The following ZBTB4 variants were observed in gnomAD, a reference collection of about 807,000 sequenced individuals.
ZBTB4 encodes zinc finger and BTB domain containing 4.
In ZBTB4, 14 loss-of-function variants were observed where a neutral mutation model predicts 59.8. The observed-to-expected ratio is 0.23, with a 90% CI of 0.15 to 0.37. The LOEUF (loss-of-function observed/expected upper bound fraction) is 0.37. ZBTB4 is among the 10% of genes least tolerant of loss of function. The pLI is 1.00. For synonymous variants in ZBTB4, 587 were observed against 575.2 expected (o/e 1.02, Z -0.29); for missense variants, 1,198 against 1,380.8 (o/e 0.87, Z 2.10).
chr17:7,463,926 AGG>A, intron 3 of ZBTB4, 36 bp from the exon 4 acceptor site: 1 of 1,583,042 alleles, frequency 6.3e-7, no homozygotes, highest in Non-Finnish European at 8.6e-7. Context: ...GCAGGAACAC[AGG>A]CACTTGAGTC....
In ZBTB4 at chr17:7,463,134, G is replaced by T; in HGVS notation, c.1848C>A (p.Arg616=). ...VRIGEEAIVK[R]RISETDLRPG... is the part of the protein sequence containing the mutation. Reference sequence around the variant, plus strand: ...GACGCAGGTCAGTCTCTGAGATGCGGCGCTTGACGATGGCCTCCTCCCCTA... The same window carrying T: ...GACGCAGGTCAGTCTCTGAGATGCGTCGCTTGACGATGGCCTCCTCCCCTA... The change falls in exon 4 of 4, where the codon CGC becomes CGA. Residue 616 remains arginine, a synonymous_variant. Coordinates refer to ENST00000380599, the MANE Select transcript of ZBTB4 (RefSeq NM_001128833.2). 6.2e-7 allele frequency: 1 copy of T among 1,608,576 alleles called. No individual in the cohort carries two copies.
chr17:7,463,412 G>T lies in ZBTB4; in HGVS notation c.1570C>A (p.Pro524Thr). ...PRPPKKREYP[P>T]PPPEPAATPT... Reference sequence around the variant, plus strand: ...GTGGCTGCAGGCTCAGGGGGAGGAGGTGGGTATTCTCGTTTCTTGGGTGGC... The same window carrying T: ...GTGGCTGCAGGCTCAGGGGGAGGAGTTGGGTATTCTCGTTTCTTGGGTGGC... Residue 524 changes from proline to threonine, a missense_variant, in exon 4 of 4, where the codon CCT becomes ACT. This residue lies in a region of ZBTB4 where 550 missense variants were observed against 541.8 expected (regional missense o/e 1.02). Coordinates refer to ENST00000380599, the MANE Select transcript of ZBTB4 (RefSeq NM_001128833.2). 6.3e-7 allele frequency: 1 copy of T among 1,578,920 alleles called. No homozygotes were observed.
chr17:7,471,963 ACT>A (rs1451671464), intron 1 of ZBTB4, among the ~76,000 whole-genome samples: 1 of 152,122 alleles, frequency 6.6e-6, no homozygotes, highest in African/African-American at 2.4e-5. Flanking sequence ...CAGATGTGCC[ACT>A]GAGGTGGGGA....
At chr17:7,474,814 C>T (rs1216208383) in intron 1 of ZBTB4, among the ~76,000 whole-genome samples, 3 of 151,492 alleles carry the variant, frequency 2.0e-5, no homozygotes, top group African/African-American at 7.3e-5. Flanking sequence ...GAGTTCCAGA[C>T]CAGCCTGGCC....
Position 7,463,044 on chromosome 17 carries a change from C to T in ZBTB4, c.1938G>A (p.Glu646=), listed in dbSNP as rs776304911. Residue 646 remains glutamate, a synonymous_variant, in exon 4 of 4, where the codon GAG becomes GAA. Coordinates refer to ENST00000380599, the MANE Select transcript of ZBTB4 (RefSeq NM_001128833.2). Reference sequence around the variant, plus strand: ...ATTCCTCCTCATCCTCCTCCTCCTCCTCTTCGTCCTCCTCCTCTTCGTCCT... The same window carrying T: ...ATTCCTCCTCATCCTCCTCCTCCTCTTCTTCGTCCTCCTCCTCTTCGTCCT... The part of the protein sequence containing the change: ...SEEDEEEEDE[E]EEEEDEEESK... The T allele has an allele frequency of 6.2e-6, 10 of 1,608,982 alleles. No homozygotes were observed. The highest frequency in any genetic ancestry group is 8.5e-6 in the Non-Finnish European group (10 of 1,178,042).
intron 1 of ZBTB4, among the ~76,000 whole-genome samples, chr17:7,474,359 G>A (rs1182237207): frequency 4.7e-5 from 7 of 150,496 alleles, no homozygotes; most frequent in Middle Eastern, 3.5e-3. Flanking sequence ...CTGGGACTAC[G>A]GGCATATGCC....
At chr17:7,474,788 G>A (rs1253655495) in intron 1 of ZBTB4, among the ~76,000 whole-genome samples, 1 of 151,632 alleles carries the variant, frequency 6.6e-6, no homozygotes, top group Non-Finnish European at 1.5e-5. Flanking sequence ...GAGGCGGGCA[G>A]ATCACTTGAG....
chr17:7,467,424 G>C (rs1216568347), intron 1 of ZBTB4, 97 bp from the exon 2 acceptor site: 1 of 237,492 alleles, frequency 4.2e-6, no homozygotes, highest in African/African-American at 2.3e-5. Context: ...CAGGAAGTGG[G>C]GAGGGGTGCA....
chr17:7,462,560 C>T lies in ZBTB4; in HGVS notation c.2422G>A (p.Gly808Ser), dbSNP rs1597761016. The change falls in exon 4 of 4, where the codon GGC becomes AGC. Residue 808 changes from glycine to serine, a missense_variant. Coordinates refer to ENST00000380599, the MANE Select transcript of ZBTB4 (RefSeq NM_001128833.2). This position sits in a 1 kb window ranked among gnomAD's most constrained non-coding sequence, Gnocchi z 7.5. ...PVIAYSKGSA[G>S]TRPGDVKEEA... ...TCCTTGACATCCCCGGGCCTGGTGCCAGCGCTGCCCTTGGAATAGGCAATG... is the reference window on the plus strand; with the variant it reads ...TCCTTGACATCCCCGGGCCTGGTGCTAGCGCTGCCCTTGGAATAGGCAATG... 1 of 1,613,726 alleles carries T rather than the reference C, an allele frequency of 6.2e-7. No homozygotes were observed. The highest frequency in any genetic ancestry group is 8.5e-7 in the Non-Finnish European group (1 of 1,179,934).
rs1567686492 is a variant in ZBTB4 at position 7,465,924 on chromosome 17, C to CG, written c.877dup (p.Arg293ProfsTer51). The CG allele has an allele frequency of 6.2e-7, 1 of 1,610,008 alleles. No homozygotes were observed. The highest frequency in any genetic ancestry group is 8.5e-7 in the Non-Finnish European group (1 of 1,177,292). On this transcript the variant is annotated frameshift_variant, in exon 3 of 4. Coordinates refer to ENST00000380599, the MANE Select transcript of ZBTB4 (RefSeq NM_001128833.2). LOFTEE classifies it high-confidence loss of function. ...CTTCACCACGTGCTCGGGGCCCCCT[C>CG]GGAAGCCCACTGGTGGAGGCAGGGC...
rs539108552 is a variant in ZBTB4 at position 7,460,870 on chromosome 17, G to T, written c.*1070C>A. 3.5e-4 allele frequency: 54 copies of T among 152,804 alleles called. No homozygotes were observed. The highest frequency in any genetic ancestry group is 1.3e-3 in the African/African-American group (54 of 41,566). 9.5% of individuals were successfully genotyped at this position (152,804 alleles called of 1,614,324 possible). On this transcript the variant is annotated 3_prime_UTR_variant, in exon 4 of 4. Transcript: ENST00000380599. ...AGAATGGTTCCCCCAAAACCATCTG[G>T]AGTGATTGGTGAGGGGAGTGACACT... is the stretch of plus-strand genomic sequence containing the variant.
At chr17:7,482,629 T>C (rs1386951506), upstream of ZBTB4, 5 of 1,611,886 alleles carry the variant, frequency 3.1e-6, no homozygotes, top group Admixed American at 1.7e-5. Context: ...CTCTGCACTT[T>C]CCCTCCTGCC....
chr17:7,475,880 A>G (rs1411200538), intron 1 of ZBTB4, among the ~76,000 whole-genome samples: 1 of 152,176 alleles, frequency 6.6e-6, no homozygotes, highest in Non-Finnish European at 1.5e-5. Context: ...CCTCTGCCAT[A>G]CTGCTAGACC....
rs1243879878 is a variant in ZBTB4 at position 7,466,338 on chromosome 17, C to T, written c.464G>A (p.Gly155Glu). 2 of 1,614,072 alleles carry T rather than the reference C, an allele frequency of 1.2e-6. No individual in the cohort carries two copies. Among genetic ancestry groups the T allele is most frequent in the Non-Finnish European group, 8.5e-7 (1 of 1,180,004 alleles). Reference protein sequence around the residue: ...SARLALPGGGGDGAAVAEIGA... With the variant: ...SARLALPGGGEDGAAVAEIGA... ...AATCTCTGCTACAGCTGCCCCGTCC[C>T]CTCCACCACCAGGCAGTGCGAGCCG... The change falls in exon 3 of 4, where the codon GGG becomes GAG. Residue 155 changes from glycine to glutamate, a missense_variant. Transcript: ENST00000380599. This position sits in a 1 kb window ranked among gnomAD's most constrained non-coding sequence, Gnocchi z 9.1.
At chr17:7,468,155 G>A (rs549134079) in intron 1 of ZBTB4, among the ~76,000 whole-genome samples, 1 of 152,348 alleles carries the variant, frequency 6.6e-6, no homozygotes, top group African/African-American at 2.4e-5. Flanking sequence ...TGGATCACCT[G>A]AGGTCAGGAG....
chr17:7,482,576 G>A (rs185618416), upstream of ZBTB4: 429 of 1,612,338 alleles, frequency 2.7e-4, 2 homozygotes, highest in African/African-American at 4.1e-3. Flanking sequence ...GCAGGCTTTC[G>A]TGGGAGGACT....
At chr17:7,473,456 C>T (rs2070227604) in intron 1 of ZBTB4, among the ~76,000 whole-genome samples, 1 of 152,006 alleles carries the variant, frequency 6.6e-6, no homozygotes, top group African/African-American at 2.4e-5. Context: ...GATGGGGTTT[C>T]ACCATGTCGG....
chr17:7,466,478 G>A lies in ZBTB4; in HGVS notation c.324C>T (p.Ser108=). 6.2e-7 allele frequency: 1 copy of A among 1,609,786 alleles called. No homozygotes were observed. Among genetic ancestry groups the A allele is most frequent in the Non-Finnish European group, 8.5e-7 (1 of 1,178,080 alleles). Reference sequence around the variant, plus strand: ...GAGAGGCTGGAGGGGGAGAGGAAGAGGAAGAGGAAGAAGAAGAAGAAGCAG... The same window carrying A: ...GAGAGGCTGGAGGGGGAGAGGAAGAAGAAGAGGAAGAAGAAGAAGAAGCAG... ...SSSASSSSSS[S]SSSPPPASPP... is the part of the protein sequence containing the mutation. Residue 108 remains serine, a synonymous_variant, in exon 3 of 4, where the codon TCC becomes TCT. Transcript: ENST00000380599. The surrounding 1 kb of genome is among the most constrained non-coding windows in gnomAD (Gnocchi z 9.1).
chr17:7,468,321 C>T (rs989428664), intron 1 of ZBTB4, among the ~76,000 whole-genome samples: 1 of 152,004 alleles, frequency 6.6e-6, no homozygotes, highest in Non-Finnish European at 1.5e-5. Flanking sequence ...TGCAGTGAGA[C>T]GAGGTCACGC....
Sources: gnomAD v4.1 joint callset for allele counts (sites outside exome capture counted in the v4.1 genomes callset) on GRCh38, gnomAD v4.1.1 for gene constraint, gnomAD v4.1.1 regional missense constraint, Gnocchi (gnomAD v3.1) non-coding constraint, MANE v1.5 for transcripts, NCBI Gene and HGNC (gene_info 2026-07-23, HGNC 2026-07-21) for gene names.